The following NKAIN2 variants were observed in gnomAD, a reference collection of about 807,000 sequenced individuals.
NKAIN2 encodes sodium/potassium transporting ATPase interacting 2, also known as sodium/potassium-transporting ATPase subunit beta-1-interacting protein 2.
NKAIN2 carries 14 observed loss-of-function variants against 32.6 expected under a neutral mutation model. That is an observed-to-expected ratio of 0.43 (90% CI 0.28 to 0.67). NKAIN2 has a LOEUF of 0.67. NKAIN2 is among the 30% of genes least tolerant of loss of function. NKAIN2 has a pLI of 0.17. For missense variants in NKAIN2, 198 were observed against 258.3 expected (o/e 0.77, Z 1.60); for synonymous variants, 80 against 87.2 (o/e 0.92, Z 0.46).
At chr6:124,615,033 T>G (rs1423116914) in intron 3 of NKAIN2, among the ~76,000 whole-genome samples, 7 of 152,232 alleles carry the variant, frequency 4.6e-5, no homozygotes, top group Admixed American at 4.6e-4. Flanking sequence ...AGAATTGTTT[T>G]AAAATTCCAT....
intron 1 of NKAIN2, among the ~76,000 whole-genome samples, chr6:124,198,776 T>A (rs1318643350): frequency 2.6e-5 from 4 of 152,080 alleles, no homozygotes; most frequent in Non-Finnish European, 4.4e-5. Context: ...TGGTCCACGT[T>A]CTTTGGCAGT....
chr6:124,168,485 G>A (rs1788684989), intron 1 of NKAIN2, among the ~76,000 whole-genome samples: 1 of 151,764 alleles, frequency 6.6e-6, no homozygotes, highest in African/African-American at 2.4e-5. Flanking sequence ...GTTATCCATG[G>A]GTTATAATTT....
intron 3 of NKAIN2, among the ~76,000 whole-genome samples, chr6:124,591,136 A>C (rs1243460899): frequency 6.6e-6 from 1 of 152,232 alleles, no homozygotes; most frequent in Non-Finnish European, 1.5e-5. Context: ...ATTCTAGAGA[A>C]GTCAAGAAGT....
At position 124,283,157 on chromosome 6, in the gene NKAIN2, T is replaced by A. The variant is rs1354577981; in HGVS notation, c.192+15T>A. 4 of 1,587,668 alleles carry A rather than the reference T, an allele frequency of 2.5e-6. No individual in the cohort carries two copies. Among genetic ancestry groups the A allele is most frequent in the Non-Finnish European group, 3.5e-6 (4 of 1,156,960 alleles). ...ACATAACAGGAGTAAGTACATTTTC[T>A]GCCTTTTAAAAATCTTATTGAACTA... is the stretch of plus-strand genomic sequence containing the variant. On this transcript the variant is annotated intron_variant, in intron 2 of 6. Coordinates refer to ENST00000368417, the MANE Select transcript of NKAIN2 (RefSeq NM_001040214.3).
chr6:124,276,378 TTTAG>T (rs1257367858), intron 1 of NKAIN2, among the ~76,000 whole-genome samples: 1 of 151,966 alleles, frequency 6.6e-6, no homozygotes, highest in Non-Finnish European at 1.5e-5. Flanking sequence ...TTTGAGATAC[TTTAG>T]TTATTCAAAT....
intron 1 of NKAIN2, among the ~76,000 whole-genome samples, chr6:123,942,066 T>A (rs1379574994): frequency 6.6e-6 from 1 of 151,996 alleles, no homozygotes; most frequent in Non-Finnish European, 1.5e-5. Flanking sequence ...CATCATTTTA[T>A]GTGTCTAAAA....
intron 2 of NKAIN2, among the ~76,000 whole-genome samples, chr6:124,347,787 C>G (rs1211963938): frequency 2.0e-5 from 3 of 152,194 alleles, no homozygotes; most frequent in Non-Finnish European, 4.4e-5. Flanking sequence ...TGAATTTCCT[C>G]CTGTAGCTCG....
intron 4 of NKAIN2, among the ~76,000 whole-genome samples, chr6:124,687,393 A>C (rs1205304128): frequency 7.7e-6 from 1 of 130,162 alleles, no homozygotes; most frequent in African/African-American, 2.8e-5. Flanking sequence ...TATATATTCC[A>C]TGTATGTGTA....
intron 4 of NKAIN2, among the ~76,000 whole-genome samples, chr6:124,691,790 A>G (rs768789029): frequency 2.6e-5 from 4 of 152,126 alleles, no homozygotes; most frequent in Non-Finnish European, 5.9e-5. Flanking sequence ...CTCTCACACC[A>G]CCTCCTCCTA....
intron 1 of NKAIN2, among the ~76,000 whole-genome samples, chr6:123,875,832 T>C (rs993303384): frequency 4.6e-5 from 7 of 152,080 alleles, no homozygotes; most frequent in African/African-American, 1.4e-4. Context: ...TTATTAAACT[T>C]CCCTACCTTC....
chr6:124,584,104 C>G (rs926147410), intron 3 of NKAIN2, among the ~76,000 whole-genome samples: 1 of 152,144 alleles, frequency 6.6e-6, no homozygotes, highest in Non-Finnish European at 1.5e-5. Context: ...TTGAGTAATA[C>G]TGCAGAAGCA....
chr6:124,502,882 G>A (rs1009121323), intron 3 of NKAIN2, among the ~76,000 whole-genome samples: 5 of 152,128 alleles, frequency 3.3e-5, no homozygotes, highest in Non-Finnish European at 7.4e-5. Flanking sequence ...CATATCTGCT[G>A]AGGATAGTGG....
At chr6:124,541,618 T>A (rs897365729) in intron 3 of NKAIN2, among the ~76,000 whole-genome samples, 4 of 152,158 alleles carry the variant, frequency 2.6e-5, no homozygotes, top group African/African-American at 9.6e-5. Context: ...GAAAACCAAT[T>A]ATTACACAAT....
chr6:124,126,258 T>C (rs986831974), intron 1 of NKAIN2, among the ~76,000 whole-genome samples: 10 of 152,180 alleles, frequency 6.6e-5, no homozygotes, highest in African/African-American at 2.2e-4. Flanking sequence ...TCTAATCCTA[T>C]CATGTTTTCG....
chr6:124,692,970 C>T (rs559400686), intron 4 of NKAIN2, among the ~76,000 whole-genome samples: 2 of 152,300 alleles, frequency 1.3e-5, no homozygotes, highest in South Asian at 4.1e-4. Context: ...AATTTGAACT[C>T]ATCACAGTGA....
rs115373211 is a variant in NKAIN2, at chr6:124,593,509, G to A, written c.274-64677G>A. On this transcript the variant is annotated intron_variant, in intron 3 of 6. Coordinates refer to ENST00000368417, the MANE Select transcript of NKAIN2 (RefSeq NM_001040214.3). ...CCCCTCCATAGGGCTGAGGTTTACA[G>A]TGTGTGGACCTTTAGGGATGCTGAA... 6.0e-3 allele frequency among the ~76,000 whole-genome samples: 916 copies of A among 152,238 alleles called. 10 individuals are homozygous for A. The highest frequency in any genetic ancestry group is 0.021 in the African/African-American group (879 of 41,520).
intron 3 of NKAIN2, among the ~76,000 whole-genome samples, chr6:124,646,895 G>A (rs759882489): frequency 6.6e-6 from 1 of 152,052 alleles, no homozygotes; most frequent in African/African-American, 2.4e-5. Flanking sequence ...AGGTTGTAGT[G>A]AGCTGAGATC....
chr6:124,532,865 G>A (rs530792907), intron 3 of NKAIN2, among the ~76,000 whole-genome samples: 277 of 152,258 alleles, frequency 1.8e-3, no homozygotes, highest in African/African-American at 6.4e-3. Flanking sequence ...TTCCTCACCT[G>A]GGTGTTTTAA....
At chr6:124,362,099 C>T (rs1187626215) in intron 3 of NKAIN2, among the ~76,000 whole-genome samples, 1 of 151,898 alleles carries the variant, frequency 6.6e-6, no homozygotes, top group Non-Finnish European at 1.5e-5. Flanking sequence ...TAAACAAAGA[C>T]TACCTATAAT....
Sources: allele counts gnomAD v4.1 joint callset (sites outside exome capture counted in the v4.1 genomes callset), GRCh38; gene constraint gnomAD v4.1.1; transcripts MANE v1.5; gene names NCBI Gene and HGNC (gene_info 2026-07-23, HGNC 2026-07-21).